PDE10A: variants seen among roughly 807,000 people sequenced by gnomAD.
PDE10A encodes the protein phosphodiesterase 10A, also known as cAMP and cAMP-inhibited cGMP 3',5'-cyclic phosphodiesterase 10A.
In PDE10A, 39 loss-of-function variants were observed where a neutral mutation model predicts 97.7. That is an observed-to-expected ratio of 0.40 (90% confidence interval 0.31 to 0.52). PDE10A has a LOEUF of 0.52. PDE10A is among the 20% of genes least tolerant of loss of function. The pLI is 0.56. For missense variants in PDE10A, 731 were observed against 1,047.8 expected (o/e 0.70, Z 4.17); for synonymous variants, 371 against 376.8 (o/e 0.98, Z 0.18).
intron 1 of PDE10A, among the ~76,000 whole-genome samples, chr6:165,710,083 T>C (rs1366709454): frequency 6.6e-6 from 1 of 152,014 alleles, no homozygotes; most frequent in African/African-American, 2.4e-5. Flanking sequence ...TGCTCTTCTC[T>C]CCACTGGACG....
At chr6:165,931,668 T>G (rs539409393) in intron 1 of PDE10A, among the ~76,000 whole-genome samples, 224 of 152,324 alleles carry the variant, frequency 1.5e-3, no homozygotes, top group African/African-American at 5.3e-3. Context: ...TTTGTATTCC[T>G]TGTCTCATAC....
intron 2 of PDE10A, among the ~76,000 whole-genome samples, chr6:165,539,857 C>G (rs1049599093): frequency 6.6e-6 from 1 of 152,062 alleles, no homozygotes; most frequent in Non-Finnish European, 1.5e-5. Context: ...AACCTTGAGG[C>G]GGAGGTTGCA....
intron 13 of PDE10A, among the ~76,000 whole-genome samples, chr6:165,404,599 C>G (rs576359130): frequency 6.6e-6 from 1 of 151,934 alleles, no homozygotes; most frequent in African/African-American, 2.4e-5. Context: ...TTACATATAT[C>G]TGAGCATGAG....
chr6:165,385,662 A>G (rs988489637), intron 17 of PDE10A, among the ~76,000 whole-genome samples: 1 of 152,260 alleles, frequency 6.6e-6, no homozygotes, highest in Non-Finnish European at 1.5e-5. Flanking sequence ...ATGAATCCAA[A>G]AAAACACTCA....
At chr6:165,335,143 C>G (rs1781573875) in intron 21 of PDE10A, among the ~76,000 whole-genome samples, 1 of 152,128 alleles carries the variant, frequency 6.6e-6, no homozygotes, top group Admixed American at 6.5e-5. Flanking sequence ...TTAAAAATAT[C>G]CAAGGTTCTT....
chr6:165,484,439 T>C (rs190367338), intron 2 of PDE10A, among the ~76,000 whole-genome samples: 1 of 152,232 alleles, frequency 6.6e-6, no homozygotes, highest in Admixed American at 6.5e-5. Flanking sequence ...AGGTCAGCAG[T>C]GGCATTAGAT....
At chr6:165,453,743 G>A (rs1020420398) in intron 3 of PDE10A, among the ~76,000 whole-genome samples, 6 of 152,238 alleles carry the variant, frequency 3.9e-5, no homozygotes, top group African/African-American at 1.4e-4. Flanking sequence ...AGATTTCAAA[G>A]GATGTAGTAG....
intron 5 of PDE10A, among the ~76,000 whole-genome samples, chr6:165,442,267 A>T (rs972834635): frequency 6.6e-6 from 1 of 152,090 alleles, no homozygotes; most frequent in Non-Finnish European, 1.5e-5. Flanking sequence ...AGCATTAGGT[A>T]TATCTCCTAA....
chr6:165,514,018 T>C (rs373738337), intron 2 of PDE10A, among the ~76,000 whole-genome samples: 1 of 152,334 alleles, frequency 6.6e-6, no homozygotes, highest in South Asian at 2.1e-4. Context: ...AGTTAACAAC[T>C]GTCCTTCTAC....
chr6:165,662,911 C>G lies in PDE10A; in HGVS notation c.-100G>C, dbSNP rs1351768219. 1.3e-5 allele frequency among the ~76,000 whole-genome samples: 2 copies of G among 150,992 alleles called. No individual in the cohort carries two copies. Among genetic ancestry groups the G allele is most frequent in the Non-Finnish European group, 3.0e-5 (2 of 67,600 alleles). On this transcript the variant is annotated 5_prime_UTR_variant, in exon 1 of 22. Transcript: ENST00000539869. ...CCCCCGCAGGACCTGCCCACCCCTG[C>G]CGGCCGCCCGAACCGCTGCCTGGTC...
intron 1 of PDE10A, among the ~76,000 whole-genome samples, chr6:165,921,181 C>T (rs1330807596): frequency 2.0e-5 from 3 of 152,160 alleles, no homozygotes; most frequent in Non-Finnish European, 4.4e-5. Context: ...TGGATTATCT[C>T]CAATAACTGG....
intron 2 of PDE10A, among the ~76,000 whole-genome samples, chr6:165,526,796 G>A (rs1782474185): frequency 6.6e-6 from 1 of 152,178 alleles, no homozygotes; most frequent in African/African-American, 2.4e-5. Context: ...CTCCATTCCT[G>A]TCCATAAGGC....
intron 1 of PDE10A, among the ~76,000 whole-genome samples, chr6:165,867,232 A>AG (rs1781081916): frequency 1.3e-5 from 1 of 77,928 alleles, no homozygotes; most frequent in Non-Finnish European, 2.7e-5. Context: ...ACTGAATGGA[A>AG]AAAAAAAAAA....
chr6:165,340,376 TACAA>T (rs997254536), intron 19 of PDE10A, among the ~76,000 whole-genome samples: 4 of 152,186 alleles, frequency 2.6e-5, no homozygotes, highest in Non-Finnish European at 4.4e-5. Context: ...AAATAGGGTC[TACAA>T]ACAAACTACT....
chr6:165,374,647 C>T (rs1205010804), intron 18 of PDE10A, among the ~76,000 whole-genome samples: 1 of 151,810 alleles, frequency 6.6e-6, no homozygotes, highest in Admixed American at 6.6e-5. Flanking sequence ...TTTCTATAGC[C>T]TTTTCTGAGA....
At chr6:165,508,478 A>C (rs963977135) in intron 2 of PDE10A, among the ~76,000 whole-genome samples, 2 of 151,812 alleles carry the variant, frequency 1.3e-5, no homozygotes, top group African/African-American at 4.8e-5. Flanking sequence ...GACCTGAGTT[A>C]TTTCCGGTTT....
chr6:165,689,586 G>A (rs983825333), intron 1 of PDE10A, among the ~76,000 whole-genome samples: 1 of 152,086 alleles, frequency 6.6e-6, no homozygotes. Context: ...TTGTTAAAAG[G>A]AGCCTGGCAC....
intron 1 of PDE10A, among the ~76,000 whole-genome samples, chr6:165,768,366 G>A (rs1032450113): frequency 6.6e-5 from 10 of 152,030 alleles, no homozygotes; most frequent in Non-Finnish European, 1.3e-4. Context: ...CTGAGGTCCT[G>A]AAGATATACA....
At chr6:165,496,088 G>A (rs879218199) in intron 2 of PDE10A, among the ~76,000 whole-genome samples, 4 of 151,958 alleles carry the variant, frequency 2.6e-5, no homozygotes, top group Admixed American at 2.6e-4. Flanking sequence ...CCTGGAGAAG[G>A]TAAGCAAAAA....
Sources: allele counts gnomAD v4.1 joint callset (sites outside exome capture counted in the v4.1 genomes callset), GRCh38; gene constraint gnomAD v4.1.1; transcripts MANE v1.5; gene names NCBI Gene and HGNC (gene_info 2026-07-23, HGNC 2026-07-21).